The following PTPRN2 variants were observed in gnomAD, a reference collection of about 807,000 sequenced individuals.
PTPRN2 encodes the protein protein tyrosine phosphatase receptor type N2.
PTPRN2 carries 74 observed loss-of-function variants against 118.8 expected under a neutral mutation model. The observed-to-expected ratio is 0.62, with a 90% confidence interval of 0.52 to 0.76. The LOEUF (loss-of-function observed/expected upper bound fraction) is 0.76. Among genes scored for constraint, PTPRN2 ranks in the 30% least tolerant of loss-of-function variants. The pLI, the probability that PTPRN2 is intolerant of heterozygous loss-of-function variation, is 0.00. For synonymous variants in PTPRN2, 641 were observed against 608.0 expected, an observed-to-expected ratio of 1.05 and a Z score of -0.80; for missense variants, 1,481 against 1,394.4, an observed-to-expected ratio of 1.06 and a Z score of -0.99.
In PTPRN2 at chr7:157,784,004, A is replaced by C. The variant is rs1264358934; in HGVS notation, c.1789-101067T>G. On this transcript the variant is annotated intron_variant, in intron 12 of 22. Transcript: ENST00000389418. This position sits in a 1 kb window ranked among gnomAD's most constrained non-coding sequence, Gnocchi z 4.6. The stretch of plus-strand genomic sequence containing the variant: ...GTCCCACAGGAGTAAATTCAGGATG[A>C]GTGGCTGAAACATTTCCCACATGGT... 6.6e-6 allele frequency among the ~76,000 whole-genome samples: 1 copy of C among 152,194 alleles called. No individual in the cohort carries two copies. Among genetic ancestry groups the C allele is most frequent in the Non-Finnish European group, 1.5e-5 (1 of 68,030 alleles).
At chr7:158,171,068 T>TATA (rs558867267) in intron 5 of PTPRN2, among the ~76,000 whole-genome samples, 1 of 69,136 alleles carries the variant, frequency 1.4e-5, no homozygotes, top group African/African-American at 5.2e-5. Context: ...TATATACACA[T>TATA]TATATACACA....
intron 11 of PTPRN2, among the ~76,000 whole-genome samples, chr7:157,995,388 C>T (rs1383038930): frequency 2.6e-5 from 4 of 152,202 alleles, no homozygotes; most frequent in East Asian, 3.8e-4. Context: ...AGCTTACAAA[C>T]GCTGTGTCAC....
At chr7:158,520,865 C>G (rs545469903) in intron 1 of PTPRN2, among the ~76,000 whole-genome samples, 11 of 152,324 alleles carry the variant, frequency 7.2e-5, no homozygotes, top group Admixed American at 2.6e-4. Context: ...AGCCTCTTCA[C>G]TCTCATGAGG....
At chr7:158,333,762 C>T (rs572950704) in intron 2 of PTPRN2, among the ~76,000 whole-genome samples, 3 of 148,558 alleles carry the variant, frequency 2.0e-5, no homozygotes, top group Admixed American at 6.7e-5. Context: ...AGAGCTGACA[C>T]CCGCAGACAT....
chr7:157,900,370 G>T (rs972726618), intron 11 of PTPRN2, among the ~76,000 whole-genome samples: 1 of 152,236 alleles, frequency 6.6e-6, no homozygotes, highest in Non-Finnish European at 1.5e-5. Context: ...GACTGTGGTT[G>T]CCAAGAGGTT....
At position 157,874,936 on chromosome 7, in the gene PTPRN2, CTT is replaced by C. The variant is rs778398695; in HGVS notation, c.1788+23735_1788+23736del. Among the ~76,000 whole-genome samples, 6 of 152,048 alleles carry C rather than the reference CTT, an allele frequency of 3.9e-5. No individual in the cohort carries two copies. Among genetic ancestry groups the C allele is most frequent in the Non-Finnish European group, 8.8e-5 (6 of 68,010 alleles). On this transcript the variant is annotated intron_variant, in intron 12 of 22. Coordinates refer to ENST00000389418, the MANE Select transcript of PTPRN2 (RefSeq NM_002847.5). This position sits in a 1 kb window ranked among gnomAD's most constrained non-coding sequence, Gnocchi z 5.8. Reference sequence around the variant, plus strand: ...ACTCATGCACATACACAGAGAAACACTTGTGCACGGAGACACACTTGTGCACA... The same window carrying C: ...ACTCATGCACATACACAGAGAAACACGTGCACGGAGACACACTTGTGCACA...
chr7:157,669,627 T>C lies in PTPRN2; in HGVS notation c.2002-13076A>G, dbSNP rs188758129. ...GATGAGCGATGTTGGCCAAGCAATA[T>C]GGAGTGAGTTCTTCCCATTTCGCAA... is the stretch of plus-strand genomic sequence containing the variant. On this transcript the variant is annotated intron_variant, in intron 13 of 22. Coordinates refer to ENST00000389418, the MANE Select transcript of PTPRN2 (RefSeq NM_002847.5). The C allele has an allele frequency of 1.4e-5, 6 of 439,472 alleles. No individual in the cohort carries two copies. The East Asian group carries it at 4.1e-4, about 30-fold the overall frequency. The allele number at this position is 439,472 out of a possible 1,614,324, so 27.2% of individuals were successfully genotyped here.
Position 157,893,432 on chromosome 7 carries a change from G to T in PTPRN2, c.1788+5241C>A, listed in dbSNP as rs1796925102. 6.6e-6 allele frequency among the ~76,000 whole-genome samples: 1 copy of T among 152,260 alleles called. No homozygotes were observed. Among genetic ancestry groups the T allele is most frequent in the East Asian group, 1.9e-4 (1 of 5,202 alleles). On this transcript the variant is annotated intron_variant, in intron 12 of 22. Coordinates refer to ENST00000389418, the MANE Select transcript of PTPRN2 (RefSeq NM_002847.5). The surrounding 1 kb of genome is among the most constrained non-coding windows in gnomAD (Gnocchi z 4.0). The stretch of plus-strand genomic sequence containing the variant: ...CACATATGAGATGGGTGGGCATCAG[G>T]AGTGGGCAGAGGCCAATTCTTTCCA...
chr7:157,975,512 T>G (rs1232845645), intron 11 of PTPRN2, among the ~76,000 whole-genome samples: 1 of 152,098 alleles, frequency 6.6e-6, no homozygotes, highest in Non-Finnish European at 1.5e-5. Context: ...GCTATTCATA[T>G]TCCCACGGCC....
intron 12 of PTPRN2, among the ~76,000 whole-genome samples, chr7:157,796,094 C>G (rs934057130): frequency 6.6e-6 from 1 of 152,238 alleles, no homozygotes; most frequent in Admixed American, 6.5e-5. Flanking sequence ...ACGGCCTCCA[C>G]ATCAATCAGA....
Position 157,871,482 on chromosome 7 carries a change from T to C in PTPRN2, c.1788+27191A>G, listed in dbSNP as rs575028545. ...CCTCTAAATTGGACTCAAGGTCGCG[T>C]TCATCGGCAGCTGTGATGTAGGAGG... On this transcript the variant is annotated intron_variant, in intron 12 of 22. Transcript: ENST00000389418. 1.1e-3 allele frequency among the ~76,000 whole-genome samples: 167 copies of C among 152,194 alleles called. 6 individuals carry two copies. The South Asian group carries it at 0.034, about 31-fold the overall frequency.
intron 5 of PTPRN2, among the ~76,000 whole-genome samples, chr7:158,169,610 C>T (rs912178158): frequency 4.0e-5 from 6 of 151,602 alleles, no homozygotes; most frequent in African/African-American, 1.5e-4. Flanking sequence ...TTTCAGTTCT[C>T]ATATATGAAC....
In PTPRN2 at chr7:157,571,440, C is replaced by T; in HGVS notation, c.2837G>A (p.Ser946Asn). 6.2e-7 allele frequency: 1 copy of T among 1,606,878 alleles called. No individual in the cohort carries two copies. Among genetic ancestry groups the T allele is most frequent in the Non-Finnish European group, 8.5e-7 (1 of 1,175,884 alleles). ...TTAATCCATTAAAAGTTGTACTTGC[C>T]TGCAATGAACAATTATTGGACAAGA... ...GRSCPIIVHC[S>N]DGAGRSGTYV... is the part of the protein sequence containing the mutation. Residue 946 changes from serine to asparagine, a missense_variant and splice_region_variant, in exon 20 of 23, where the codon AGT (serine) becomes AAT (asparagine). Coordinates refer to ENST00000389418, the MANE Select transcript of PTPRN2 (RefSeq NM_002847.5).
intron 11 of PTPRN2, among the ~76,000 whole-genome samples, chr7:157,916,470 G>T (rs1798401464): frequency 6.6e-6 from 1 of 152,226 alleles, no homozygotes; most frequent in Non-Finnish European, 1.5e-5. Flanking sequence ...ACAACAAACT[G>T]CTCTCCTCTA....
intron 6 of PTPRN2, among the ~76,000 whole-genome samples, chr7:158,140,702 G>A (rs186382320): frequency 9.4e-4 from 143 of 152,328 alleles, no homozygotes; most frequent in African/African-American, 3.2e-3. Context: ...AGGAAGCGTC[G>A]GGTGTGAGGG....
chr7:158,523,058 G>A (rs941476117), intron 1 of PTPRN2, among the ~76,000 whole-genome samples: 4 of 152,220 alleles, frequency 2.6e-5, no homozygotes, highest in Admixed American at 2.0e-4. Flanking sequence ...CACCGTGGCT[G>A]CTGACATCTT....
chr7:157,896,699 G>T (rs1171356145), intron 12 of PTPRN2, among the ~76,000 whole-genome samples: 1 of 152,210 alleles, frequency 6.6e-6, no homozygotes, highest in Non-Finnish European at 1.5e-5. Context: ...AGGCTCACGT[G>T]TGCGTAGACA....
intron 10 of PTPRN2, among the ~76,000 whole-genome samples, chr7:158,082,101 C>A (rs1234783500): frequency 6.6e-6 from 1 of 152,136 alleles, no homozygotes; most frequent in East Asian, 1.9e-4. Context: ...CTGGAACAGA[C>A]CCCTTAAATG....
At position 158,438,723 on chromosome 7, in the gene PTPRN2, T is replaced by C. The variant is rs1254018349; in HGVS notation, c.163+51012A>G. Among the ~76,000 whole-genome samples the C allele has an allele frequency of 6.6e-6, 1 of 152,200 alleles. No individual in the cohort carries two copies. Among genetic ancestry groups the C allele is most frequent in the Non-Finnish European group, 1.5e-5 (1 of 68,038 alleles). On this transcript the variant is annotated intron_variant, in intron 2 of 22. Transcript: ENST00000389418. This position sits in a 1 kb window ranked among gnomAD's most constrained non-coding sequence, Gnocchi z 4.7. The stretch of plus-strand genomic sequence containing the variant: ...GGCTGATGCCCAGCTGATTAGCATA[T>C]AGGGTTTAGTGACATTTCCACTGAT...
Sources: gnomAD v4.1 joint callset for allele counts (sites outside exome capture counted in the v4.1 genomes callset) on GRCh38, gnomAD v4.1.1 for gene constraint, Gnocchi (gnomAD v3.1) non-coding constraint, MANE v1.5 for transcripts, NCBI Gene and HGNC (gene_info 2026-07-23, HGNC 2026-07-21) for gene names.